The following ARMH4 variants were observed in gnomAD, a reference collection of about 807,000 sequenced individuals.
ARMH4 encodes the protein armadillo like helical domain containing 4, also known as armadillo-like helical domain-containing protein 4.
In ARMH4, 49 loss-of-function variants were observed where a neutral mutation model predicts 61.9. The ratio of observed to expected loss-of-function variants is 0.79; its 90% CI spans 0.63 to 1.00. The LOEUF is 1.00. Ranked by LOEUF, ARMH4 falls within the 50% of genes least tolerant of loss-of-function variation. The pLI is 0.00. For missense variants in ARMH4, 934 were observed against 930.0 expected (o/e 1.00, Z -0.06); for synonymous variants, 368 against 341.5 (o/e 1.08, Z -0.85).
At chr14:58,087,040 A>G (rs1319758572) in intron 5 of ARMH4, among the ~76,000 whole-genome samples, 1 of 152,246 alleles carries the variant, frequency 6.6e-6, no homozygotes, top group Non-Finnish European at 1.5e-5. Context: ...CCAAGAGTAT[A>G]TAAAAGAGAT....
intron 5 of ARMH4, among the ~76,000 whole-genome samples, chr14:58,090,496 C>A (rs528380020): frequency 6.6e-6 from 1 of 152,160 alleles, no homozygotes; most frequent in African/African-American, 2.4e-5. Flanking sequence ...AACAATTGTT[C>A]AGAAATGGGC....
chr14:58,088,066 G>C (rs1885437822), intron 5 of ARMH4, among the ~76,000 whole-genome samples: 1 of 152,056 alleles, frequency 6.6e-6, no homozygotes, highest in African/African-American at 2.4e-5. Flanking sequence ...TTCATTTTTG[G>C]GTATTTAACC....
intron 6 of ARMH4, among the ~76,000 whole-genome samples, chr14:58,008,092 T>C (rs977449781): frequency 4.6e-5 from 7 of 152,198 alleles, no homozygotes; most frequent in Non-Finnish European, 1.0e-4. Context: ...GAAATATGAA[T>C]GCCAGATTCC....
chr14:58,098,997 A>T (rs902276513), intron 4 of ARMH4, among the ~76,000 whole-genome samples: 1 of 152,198 alleles, frequency 6.6e-6, no homozygotes, highest in Non-Finnish European at 1.5e-5. Context: ...AGAGGTAGTC[A>T]TATCGGGGAT....
At chr14:58,114,065 A>G (rs1327265746) in intron 4 of ARMH4, among the ~76,000 whole-genome samples, 1 of 151,898 alleles carries the variant, frequency 6.6e-6, no homozygotes, top group Non-Finnish European at 1.5e-5. Flanking sequence ...ATGGTGGTTC[A>G]TTTCCTTGTT....
At chr14:58,050,456 AC>A (rs1032138953) in intron 5 of ARMH4, among the ~76,000 whole-genome samples, 1 of 152,116 alleles carries the variant, frequency 6.6e-6, no homozygotes, top group African/African-American at 2.4e-5. Context: ...CAAACCAATC[AC>A]CCATGTGAGT....
chr14:58,021,840 A>T (rs893394596), intron 5 of ARMH4, among the ~76,000 whole-genome samples: 1 of 152,186 alleles, frequency 6.6e-6, no homozygotes, highest in Non-Finnish European at 1.5e-5. Context: ...TCATTGATCA[A>T]ACAAAACCTT....
At chr14:58,148,053 GTTTGT>G (rs1381990435) in intron 1 of ARMH4, among the ~76,000 whole-genome samples, 1 of 151,968 alleles carries the variant, frequency 6.6e-6, no homozygotes, top group South Asian at 2.1e-4. Context: ...TTGGTTTTTT[GTTTGT>G]TTTATTTTCG....
chr14:58,148,177 G>T (rs1261140008), intron 1 of ARMH4, among the ~76,000 whole-genome samples: 1 of 152,152 alleles, frequency 6.6e-6, no homozygotes, highest in Non-Finnish European at 1.5e-5. Context: ...CTCCCGAGTA[G>T]CTAGGATAAC....
intron 1 of ARMH4, among the ~76,000 whole-genome samples, chr14:58,151,407 C>T (rs1290070220): frequency 6.6e-6 from 1 of 152,138 alleles, no homozygotes; most frequent in Non-Finnish European, 1.5e-5. Context: ...CAGAGCCTCG[C>T]CTCCCCCAGG....
At chr14:58,113,481 T>C (rs1054629556) in intron 4 of ARMH4, among the ~76,000 whole-genome samples, 15 of 152,216 alleles carry the variant, frequency 9.9e-5, no homozygotes, top group Admixed American at 3.3e-4. Context: ...TGATGGTTTA[T>C]TTATCTTGTG....
chr14:58,009,971 CT>C (rs1882340811), intron 6 of ARMH4, among the ~76,000 whole-genome samples: 1 of 152,120 alleles, frequency 6.6e-6, no homozygotes, highest in South Asian at 2.1e-4. Context: ...TAATTCAGAA[CT>C]TTTGAAAACA....
intron 7 of ARMH4, 33 bp from the exon 8 acceptor site, chr14:58,004,837 T>C (rs754007607): frequency 3.8e-6 from 6 of 1,592,758 alleles, no homozygotes; most frequent in African/African-American, 1.3e-5. Context: ...CATTAAACTC[T>C]TTCTGCCACA....
chr14:58,129,599 C>A (rs1357711634), intron 4 of ARMH4, among the ~76,000 whole-genome samples: 1 of 152,086 alleles, frequency 6.6e-6, no homozygotes, highest in African/African-American at 2.4e-5. Context: ...TATTCCCGGG[C>A]AAGGTAGAAA....
chr14:58,065,294 T>C (rs1333404888), intron 5 of ARMH4, among the ~76,000 whole-genome samples: 2 of 152,190 alleles, frequency 1.3e-5, no homozygotes, highest in South Asian at 2.1e-4. Context: ...TATGATGTGA[T>C]TGCAGCCTTT....
chr14:58,083,366 G>A (rs1216470327), intron 5 of ARMH4, among the ~76,000 whole-genome samples: 1 of 152,172 alleles, frequency 6.6e-6, no homozygotes, highest in African/African-American at 2.4e-5. Context: ...GATCACTTGA[G>A]GCCAGGAGTT....
intron 5 of ARMH4, among the ~76,000 whole-genome samples, chr14:58,030,681 C>T (rs1566547610): frequency 6.6e-6 from 1 of 152,196 alleles, no homozygotes; most frequent in Non-Finnish European, 1.5e-5. Context: ...ATTTAACTAC[C>T]TGAGATGCCT....
chr14:58,020,347 G>T (rs745986693), intron 5 of ARMH4, among the ~76,000 whole-genome samples: 1 of 152,122 alleles, frequency 6.6e-6, no homozygotes, highest in Non-Finnish European at 1.5e-5. Flanking sequence ...AGCTCACCTG[G>T]TATTCTGACT....
intron 1 of ARMH4, among the ~76,000 whole-genome samples, chr14:58,148,828 TAAG>T (rs1485615055): frequency 6.7e-6 from 1 of 149,900 alleles, no homozygotes; most frequent in Non-Finnish European, 1.5e-5. Flanking sequence ...TGCTATATTT[TAAG>T]GTTTCAGAGT....
Sources: allele counts gnomAD v4.1 joint callset (sites outside exome capture counted in the v4.1 genomes callset), GRCh38; gene constraint gnomAD v4.1.1; transcripts MANE v1.5; gene names NCBI Gene and HGNC (gene_info 2026-07-23, HGNC 2026-07-21).